Variants in ROBO1 observed in about 807,000 individuals in gnomAD.
The protein encoded by ROBO1 is roundabout guidance receptor 1.
In ROBO1, 149 loss-of-function variants were observed where a neutral mutation model predicts 195.9. The ratio of observed to expected loss-of-function variants is 0.76; its 90% confidence interval spans 0.67 to 0.87. The LOEUF is 0.87. Among genes scored for constraint, ROBO1 ranks in the 40% least tolerant of loss-of-function variants. The probability of loss-of-function intolerance (pLI) is 0.00; values close to 1 mark genes in which losing one functional copy is unlikely to be tolerated. For missense variants in ROBO1, 1,933 were observed against 2,068.3 expected (o/e 0.93, Z 1.27); for synonymous variants, 816 against 733.2 (o/e 1.11, Z -1.82).
At chr3:79,638,004 G>A (rs1016341800) in intron 1 of ROBO1, among the ~76,000 whole-genome samples, 1 of 151,978 alleles carries the variant, frequency 6.6e-6, no homozygotes, top group African/African-American at 2.4e-5. Flanking sequence ...TGACAAGGAA[G>A]GAAATTACCC....
chr3:79,483,791 A>G (rs1215696618), intron 2 of ROBO1, among the ~76,000 whole-genome samples: 1 of 152,178 alleles, frequency 6.6e-6, no homozygotes, highest in African/African-American at 2.4e-5. Context: ...GACTGTGTCT[A>G]GCAGACAATC....
intron 2 of ROBO1, among the ~76,000 whole-genome samples, chr3:79,339,485 C>T (rs1042501221): frequency 2.0e-5 from 3 of 152,094 alleles, no homozygotes; most frequent in East Asian, 1.9e-4. Flanking sequence ...CTCTTCTCTC[C>T]GACTAGCACA....
intron 5 of ROBO1, among the ~76,000 whole-genome samples, chr3:78,739,153 A>C (rs1364414298): frequency 1.3e-5 from 2 of 152,170 alleles, no homozygotes; most frequent in Non-Finnish European, 2.9e-5. Context: ...TCTTCTTCTT[A>C]ATAAAATGAA....
intron 2 of ROBO1, among the ~76,000 whole-genome samples, chr3:79,171,828 A>G (rs1303614336): frequency 6.6e-6 from 1 of 152,126 alleles, no homozygotes; most frequent in Non-Finnish European, 1.5e-5. Flanking sequence ...TATGAAATCT[A>G]TAATAAAATT....
chr3:79,440,833 A>C (rs1263582297), intron 2 of ROBO1, among the ~76,000 whole-genome samples: 1 of 152,116 alleles, frequency 6.6e-6, no homozygotes, highest in African/African-American at 2.4e-5. Context: ...AATGAGAAAA[A>C]TTGTTGGTGG....
At chr3:79,023,971 A>G (rs1449853878) in intron 3 of ROBO1, among the ~76,000 whole-genome samples, 1 of 151,444 alleles carries the variant, frequency 6.6e-6, no homozygotes, top group African/African-American at 2.4e-5. Flanking sequence ...CAGCCTCCCA[A>G]AGTGCTGGGA....
At chr3:79,207,151 T>C (rs1462206628) in intron 2 of ROBO1, among the ~76,000 whole-genome samples, 1 of 152,154 alleles carries the variant, frequency 6.6e-6, no homozygotes, top group Non-Finnish European at 1.5e-5. Context: ...TTGTTAAGTA[T>C]AGAATCTTGG....
intron 2 of ROBO1, among the ~76,000 whole-genome samples, chr3:79,139,162 TA>T (rs2080472850): frequency 6.6e-6 from 1 of 151,518 alleles, no homozygotes; most frequent in Non-Finnish European, 1.5e-5. Context: ...TATGCTATTA[TA>T]TATGTATATA....
chr3:78,747,179 T>C (rs553180365), intron 4 of ROBO1, among the ~76,000 whole-genome samples: 1 of 152,274 alleles, frequency 6.6e-6, no homozygotes, highest in African/African-American at 2.4e-5. Flanking sequence ...TGGCTCATCT[T>C]TAACTTGCAT....
chr3:79,723,552 A>G (rs554828087), intron 1 of ROBO1, among the ~76,000 whole-genome samples: 37 of 152,260 alleles, frequency 2.4e-4, no homozygotes, highest in African/African-American at 8.7e-4. Flanking sequence ...CCAACTTAAG[A>G]AGATTGGACA....
At chr3:79,327,290 T>A (rs2034250771) in intron 2 of ROBO1, among the ~76,000 whole-genome samples, 1 of 151,928 alleles carries the variant, frequency 6.6e-6, no homozygotes, top group South Asian at 2.1e-4. Context: ...TGTATATGCA[T>A]ATAAAATATA....
intron 10 of ROBO1, among the ~76,000 whole-genome samples, chr3:78,674,044 A>G (rs541919968): frequency 6.6e-6 from 1 of 152,286 alleles, no homozygotes; most frequent in East Asian, 1.9e-4. Flanking sequence ...ATAAAATATA[A>G]CACTCTTTGC....
intron 21 of ROBO1, among the ~76,000 whole-genome samples, chr3:78,644,068 A>T (rs1460475051): frequency 3.9e-5 from 6 of 152,084 alleles, no homozygotes; most frequent in Non-Finnish European, 8.8e-5. Context: ...AAGAGAAGTC[A>T]GTGTAGGAGT....
At chr3:79,556,129 C>A (rs1490818169) in intron 2 of ROBO1, among the ~76,000 whole-genome samples, 1 of 151,872 alleles carries the variant, frequency 6.6e-6, no homozygotes, top group Non-Finnish European at 1.5e-5. Flanking sequence ...AATCTTTTAT[C>A]TTTTATTCTT....
intron 1 of ROBO1, among the ~76,000 whole-genome samples, chr3:79,651,630 A>T (rs1461467855): frequency 6.6e-6 from 1 of 152,068 alleles, no homozygotes; most frequent in Non-Finnish European, 1.5e-5. Context: ...CAACGCTAGC[A>T]CCCCGGGAGA....
intron 2 of ROBO1, among the ~76,000 whole-genome samples, chr3:79,269,087 A>C (rs1356634748): frequency 6.6e-6 from 1 of 151,476 alleles, no homozygotes. Context: ...TTTTTTTTCT[A>C]ACTAGATAGA....
At chr3:79,219,380 C>G (rs2082101306) in intron 2 of ROBO1, among the ~76,000 whole-genome samples, 1 of 151,836 alleles carries the variant, frequency 6.6e-6, no homozygotes, top group Non-Finnish European at 1.5e-5. Flanking sequence ...TAAAAGTAGG[C>G]AAGGACTTTT....
At chr3:79,069,592 G>A (rs9847749) in intron 3 of ROBO1, among the ~76,000 whole-genome samples, 145,393 of 151,986 alleles carry the variant, frequency 0.96, 69,886 homozygotes, top group East Asian at 1. Context: ...TTTGGCCTAC[G>A]CCTACCACTT....
intron 5 of ROBO1, 94 bp downstream of exon 5, chr3:78,746,649 G>T: frequency 1.8e-6 from 2 of 1,094,360 alleles, no homozygotes; most frequent in Non-Finnish European, 1.2e-6. Context: ...AGCCTTTATT[G>T]AAAATAATCT....
Sources: gnomAD v4.1 joint callset for allele counts (sites outside exome capture counted in the v4.1 genomes callset) on GRCh38, gnomAD v4.1.1 for gene constraint, MANE v1.5 for transcripts, NCBI Gene and HGNC (gene_info 2026-07-23, HGNC 2026-07-21) for gene names.